CDH19: variants seen among roughly 807,000 people sequenced by gnomAD.
CDH19 encodes the protein cadherin-19.
In CDH19, 67 loss-of-function variants were observed where a neutral mutation model predicts 64.2. The observed-to-expected ratio is 1.04, with a 90% CI of 0.86 to 1.28. The LOEUF (loss-of-function observed/expected upper bound fraction) is 1.28. Ranked by LOEUF, CDH19 falls within the 50% of genes most tolerant of loss-of-function variation. CDH19 has a pLI of 0.00. For synonymous variants in CDH19, 346 were observed against 319.3 expected (o/e 1.08, Z -0.89); for missense variants, 1,030 against 929.0 (o/e 1.11, Z -1.41).
At chr18:66,596,610 C>T (rs1988894960) in intron 1 of CDH19, among the ~76,000 whole-genome samples, 1 of 151,924 alleles carries the variant, frequency 6.6e-6, no homozygotes, top group Non-Finnish European at 1.5e-5. Flanking sequence ...TGTAATTTCT[C>T]TATAATGAGA....
intron 6 of CDH19, 124 bp from the exon 7 acceptor site, chr18:66,544,348 T>A: frequency 3.8e-6 from 3 of 782,304 alleles, no homozygotes; most frequent in Non-Finnish European, 6.0e-6. Context: ...TCTTTTTATG[T>A]ACATGGATCT....
At chr18:66,547,426 T>A (rs1987157535) in intron 5 of CDH19, among the ~76,000 whole-genome samples, 1 of 152,072 alleles carries the variant, frequency 6.6e-6, no homozygotes, top group South Asian at 2.1e-4. Context: ...GTGGAGGCTA[T>A]CAATTCAGGC....
chr18:66,540,472 C>T (rs981922724), intron 7 of CDH19, among the ~76,000 whole-genome samples: 29 of 152,266 alleles, frequency 1.9e-4, no homozygotes, highest in African/African-American at 7.0e-4. Context: ...TTACCATAGA[C>T]TGGGCAGCTT....
intron 1 of CDH19, among the ~76,000 whole-genome samples, chr18:66,600,918 G>A (rs17076459): frequency 0.026 from 3,884 of 151,786 alleles, 135 homozygotes; most frequent in African/African-American, 0.075. Flanking sequence ...TAGAAGAAGG[G>A]GAATTATATC....
intron 10 of CDH19, among the ~76,000 whole-genome samples, 176 bp downstream of exon 10, chr18:66,511,392 T>C (rs1232479796): frequency 6.6e-6 from 1 of 151,704 alleles, no homozygotes; most frequent in Admixed American, 6.6e-5. Flanking sequence ...ATGGAGTCAA[T>C]ATTTTTAGAA....
intron 10 of CDH19, among the ~76,000 whole-genome samples, chr18:66,511,363 T>C (rs1383330529): frequency 1.3e-5 from 2 of 151,728 alleles, no homozygotes; most frequent in Non-Finnish European, 1.5e-5. Flanking sequence ...GTTTCTACTT[T>C]GAAGAAATGC....
At chr18:66,550,904 C>G (rs184472388) in intron 5 of CDH19, among the ~76,000 whole-genome samples, 190 bp downstream of exon 5, 1 of 152,056 alleles carries the variant, frequency 6.6e-6, no homozygotes, top group Non-Finnish European at 1.5e-5. Flanking sequence ...TAGAAACTAA[C>G]ACATTATTCT....
chr18:66,599,522 T>C (rs999481321), intron 1 of CDH19, among the ~76,000 whole-genome samples: 1 of 152,048 alleles, frequency 6.6e-6, no homozygotes, highest in African/African-American at 2.4e-5. Flanking sequence ...GTATTCTACA[T>C]TTCAAAATTC....
intron 9 of CDH19, among the ~76,000 whole-genome samples, chr18:66,519,736 A>C (rs1280732526): frequency 6.6e-6 from 1 of 152,204 alleles, no homozygotes; most frequent in Non-Finnish European, 1.5e-5. Flanking sequence ...CTAACAAAGA[A>C]ACAAAAAACA....
intron 9 of CDH19, among the ~76,000 whole-genome samples, chr18:66,524,557 T>TATATATATATATAC (rs1233044857): frequency 2.1e-5 from 3 of 140,414 alleles, no homozygotes; most frequent in Non-Finnish European, 4.7e-5. Context: ...TATATATATA[T>TATATATATATATAC]ATATATATAT....
chr18:66,568,859 T>C lies in CDH19; in HGVS notation c.196-149A>G, dbSNP rs1459353578. 4 of 628,052 alleles carry C rather than the reference T, an allele frequency of 6.4e-6. No individual in the cohort carries two copies. In the South Asian group the frequency reaches 8.8e-5, roughly 14 times the overall value. The allele number at this position is 628,052 out of a possible 1,614,324, so 38.9% of individuals were successfully genotyped here. A position where few individuals can be genotyped will look rare whatever the true frequency, so the allele number is the denominator to read the frequency against. ...TACATTAAATGAGGCAAAATATTAA[T>C]ATCAAGATTAAAATCTATCACCAGG... On this transcript the variant is annotated intron_variant, in intron 2 of 11. Transcript: ENST00000262150.
intron 10 of CDH19, among the ~76,000 whole-genome samples, chr18:66,510,575 T>G (rs1490600383): frequency 8.0e-6 from 1 of 124,372 alleles, no homozygotes; most frequent in African/African-American, 3.0e-5. Context: ...AACGTTGAAG[T>G]CTGCAACAAA....
intron 1 of CDH19, among the ~76,000 whole-genome samples, chr18:66,594,504 C>A (rs1988828457): frequency 6.6e-6 from 1 of 151,998 alleles, no homozygotes; most frequent in African/African-American, 2.4e-5. Context: ...AAATCAACCA[C>A]ACACTTGGCC....
At chr18:66,549,736 G>T (rs1219446228) in intron 5 of CDH19, among the ~76,000 whole-genome samples, 1 of 152,140 alleles carries the variant, frequency 6.6e-6, no homozygotes, top group Non-Finnish European at 1.5e-5. Flanking sequence ...CCTTGCATAT[G>T]TTGGCTACAC....
chr18:66,571,035 G>A (rs1988085120), intron 2 of CDH19, among the ~76,000 whole-genome samples: 1 of 151,576 alleles, frequency 6.6e-6, no homozygotes, highest in Non-Finnish European at 1.5e-5. Flanking sequence ...TTATTTACCT[G>A]TAGTCTGAGT....
intron 1 of CDH19, among the ~76,000 whole-genome samples, chr18:66,580,967 C>CT (rs1356550075): frequency 6.6e-6 from 1 of 152,034 alleles, no homozygotes; most frequent in African/African-American, 2.4e-5. Flanking sequence ...GAGAAACACT[C>CT]TGGGCTGAAA....
chr18:66,595,478 A>G (rs11662279), intron 1 of CDH19, among the ~76,000 whole-genome samples: 1 of 150,064 alleles, frequency 6.7e-6, no homozygotes, highest in Middle Eastern at 3.4e-3. Context: ...ACACAACTGG[A>G]AATGTCCAAG....
chr18:66,589,566 T>G (rs1988682769), intron 1 of CDH19, among the ~76,000 whole-genome samples: 2 of 151,904 alleles, frequency 1.3e-5, no homozygotes, highest in African/African-American at 4.8e-5. Context: ...TCAGTTGTCC[T>G]TTCAGCACAT....
intron 8 of CDH19, among the ~76,000 whole-genome samples, chr18:66,531,464 A>G (rs1986442222): frequency 6.6e-6 from 1 of 152,076 alleles, no homozygotes; most frequent in African/African-American, 2.4e-5. Flanking sequence ...TAAAAATCCA[A>G]AAAAATTAGC....
Sources: gnomAD v4.1 joint callset for allele counts (sites outside exome capture counted in the v4.1 genomes callset) on GRCh38, gnomAD v4.1.1 for gene constraint, MANE v1.5 for transcripts, NCBI Gene and HGNC (gene_info 2026-07-23, HGNC 2026-07-21) for gene names.